The following AFTPH variants were observed in gnomAD, a reference collection of about 807,000 sequenced individuals.
AFTPH encodes aftiphilin.
AFTPH carries 7 observed loss-of-function variants against 72.5 expected under a neutral mutation model. That is an observed-to-expected ratio of 0.10 (90% confidence interval 0.05 to 0.18). AFTPH has a LOEUF of 0.18. Among genes scored for constraint, AFTPH ranks in the 10% least tolerant of loss-of-function variants. The probability of loss-of-function intolerance (pLI) is 1.00; values close to 1 mark genes in which losing one functional copy is unlikely to be tolerated. For missense variants in AFTPH, 979 were observed against 1,060.5 expected (o/e 0.92, Z 1.07); for synonymous variants, 337 against 370.1 (o/e 0.91, Z 1.03).
At chr2:64,564,840 C>CTT (rs199615325) in intron 2 of AFTPH, among the ~76,000 whole-genome samples, 11 of 142,984 alleles carry the variant, frequency 7.7e-5, no homozygotes, top group East Asian at 2.0e-4. Context: ...AATTGATACA[C>CTT]TTTTTTTTTT....
At chr2:64,584,265 GTCA>G (rs1673372645) in intron 7 of AFTPH, among the ~76,000 whole-genome samples, 3 of 151,558 alleles carry the variant, frequency 2.0e-5, no homozygotes, top group East Asian at 3.9e-4. Flanking sequence ...TGTTATTGTT[GTCA>G]TCATTGCTAT....
intron 1 of AFTPH, among the ~76,000 whole-genome samples, chr2:64,529,389 T>C (rs995508074): frequency 6.6e-6 from 1 of 152,022 alleles, no homozygotes; most frequent in African/African-American, 2.4e-5. Flanking sequence ...TAGCCACATT[T>C]TACTTCAGTG....
At chr2:64,582,947 A>C (rs1328164574) in intron 7 of AFTPH, among the ~76,000 whole-genome samples, 1 of 152,242 alleles carries the variant, frequency 6.6e-6, no homozygotes, top group African/African-American at 2.4e-5. Context: ...TAGAGCTGTA[A>C]TGGAAGTGAA....
rs570419915 is a variant in AFTPH, at chr2:64,527,825, C to T, written c.-33+3213C>T. On this transcript the variant is annotated intron_variant, in intron 1 of 8. Transcript: ENST00000238856. ...TGCCTGGACTCTTCCCTATTGCTGGCAACCATTTAACAGCCCTTTGTCACA... is the reference window on the plus strand; with the variant it reads ...TGCCTGGACTCTTCCCTATTGCTGGTAACCATTTAACAGCCCTTTGTCACA... Among the ~76,000 whole-genome samples the T allele has an allele frequency of 7.2e-5, 11 of 152,300 alleles. No individual in the cohort carries two copies. In the South Asian group the frequency reaches 1.2e-3, roughly 17 times the overall value.
At chr2:64,556,756 G>A (rs1028158968) in intron 2 of AFTPH, among the ~76,000 whole-genome samples, 8 of 152,150 alleles carry the variant, frequency 5.3e-5, no homozygotes, top group African/African-American at 7.2e-5. Flanking sequence ...AAAAATGTTC[G>A]TAGTCTAATT....
At chr2:64,524,377 A>G in exon 1 of AFTPH, 1 of 402,712 alleles carries the variant, frequency 2.5e-6, no homozygotes, top group Non-Finnish European at 4.4e-6. Context: ...TCCGCGGAGG[A>G]GGTGGAGGAG....
At chr2:64,579,215 A>G (rs1673012951) in intron 6 of AFTPH, among the ~76,000 whole-genome samples, 1 of 152,142 alleles carries the variant, frequency 6.6e-6, no homozygotes, top group South Asian at 2.1e-4. Context: ...CTTGACATAG[A>G]ATCAGTTCAT....
intron 1 of AFTPH, among the ~76,000 whole-genome samples, chr2:64,526,560 TTTCAA>T (rs1669277691): frequency 6.6e-6 from 1 of 152,256 alleles, no homozygotes; most frequent in East Asian, 1.9e-4. Context: ...TTCTTAGCAC[TTTCAA>T]TTCCTTTTTA....
exon 9 of AFTPH, chr2:64,592,030 G>A (rs747445384): frequency 7.4e-6 from 12 of 1,612,410 alleles, no homozygotes; most frequent in East Asian, 2.2e-5. Context: ...AAAAGCAGAC[G>A]GATAACTGAT....
At chr2:64,586,432 TAG>T (rs1215393960) in intron 8 of AFTPH, among the ~76,000 whole-genome samples, 1 of 152,246 alleles carries the variant, frequency 6.6e-6, no homozygotes, top group Admixed American at 6.5e-5. Flanking sequence ...ATATTTTAAA[TAG>T]ATTCTTCTAT....
At chr2:64,576,714 T>G (rs1050036903) in intron 6 of AFTPH, among the ~76,000 whole-genome samples, 3 of 152,176 alleles carry the variant, frequency 2.0e-5, no homozygotes, top group East Asian at 3.8e-4. Context: ...AATCAGAATT[T>G]TAGAGCTAGA....
chr2:64,574,542 A>G (rs1188174632), intron 6 of AFTPH, among the ~76,000 whole-genome samples: 1 of 152,234 alleles, frequency 6.6e-6, no homozygotes, highest in Non-Finnish European at 1.5e-5. Flanking sequence ...TTTGAAGAAC[A>G]TACTTTAGAA....
intron 2 of AFTPH, 45 bp downstream of exon 2, chr2:64,553,454 T>C (rs955410257): frequency 1.3e-5 from 19 of 1,502,558 alleles, no homozygotes; most frequent in African/African-American, 8.4e-5. Context: ...TTAATTGTTG[T>C]GGAGGCTTCT....
At chr2:64,585,360 T>G in intron 7 of AFTPH, 62 bp from the exon 9 acceptor site, 1 of 1,596,234 alleles carries the variant, frequency 6.3e-7, no homozygotes, top group South Asian at 1.1e-5. Flanking sequence ...GCATCTTGGA[T>G]TGTGGCTAAC....
At chr2:64,564,679 A>C (rs1016430134) in intron 2 of AFTPH, among the ~76,000 whole-genome samples, 1 of 152,204 alleles carries the variant, frequency 6.6e-6, no homozygotes, top group South Asian at 2.1e-4. Flanking sequence ...CCCTGGATCT[A>C]TAGCCCTCTA....
At chr2:64,592,115 T>TAA (rs35699964) in exon 9 of AFTPH, 88,902 of 824,748 alleles carry the variant, frequency 0.11, 1,033 homozygotes, top group African/African-American at 0.14. Flanking sequence ...CTGCTCTAAT[T>TAA]AAAAAAAAAA....
At chr2:64,586,443 A>G (rs1374476974) in intron 8 of AFTPH, among the ~76,000 whole-genome samples, 2 of 152,250 alleles carry the variant, frequency 1.3e-5, no homozygotes, top group African/African-American at 2.4e-5. Flanking sequence ...AGATTCTTCT[A>G]TAGAAAGACA....
chr2:64,565,242 C>T (rs1671996736), intron 2 of AFTPH, among the ~76,000 whole-genome samples: 2 of 151,972 alleles, frequency 1.3e-5, no homozygotes, highest in African/African-American at 4.8e-5. Context: ...CTTTGGGAGA[C>T]CGAGGTGGGT....
chr2:64,574,880 C>T (rs1402848653), intron 6 of AFTPH, among the ~76,000 whole-genome samples: 1 of 152,240 alleles, frequency 6.6e-6, no homozygotes. Context: ...TCAGAATTAC[C>T]TTTCCCACGG....
Sources: gnomAD v4.1 joint callset for allele counts (sites outside exome capture counted in the v4.1 genomes callset) on GRCh38, gnomAD v4.1.1 for gene constraint, MANE v1.5 for transcripts, NCBI Gene and HGNC (gene_info 2026-07-23, HGNC 2026-07-21) for gene names.